Variants in PDCD6 observed in about 807,000 individuals in gnomAD.
The protein encoded by PDCD6 is programmed cell death protein 6.
PDCD6 carries 12 observed loss-of-function variants against 28.3 expected under a neutral mutation model. The ratio of observed to expected loss-of-function variants is 0.42; its 90% CI spans 0.27 to 0.69. The LOEUF (loss-of-function observed/expected upper bound fraction) is 0.69, where lower values mean the gene tolerates loss of function less well. Among genes scored for constraint, PDCD6 ranks in the 30% least tolerant of loss-of-function variants. PDCD6 has a pLI of 0.22. For synonymous variants in PDCD6, 92 were observed against 108.0 expected, an observed-to-expected ratio of 0.85 and a Z score of 0.92; for missense variants, 226 against 269.9, an observed-to-expected ratio of 0.84 and a Z score of 1.14.
chr5:288,979 G>A, intron 2 of PDCD6: 1 of 1,332,936 alleles, frequency 7.5e-7, no homozygotes. Context: ...CTACTTTCAG[G>A]GCCTTCGTTT....
intron 2 of PDCD6, among the ~76,000 whole-genome samples, chr5:285,488 A>G (rs1738892094): frequency 6.6e-6 from 1 of 150,634 alleles, no homozygotes; most frequent in African/African-American, 2.5e-5. Context: ...CTCATATTCC[A>G]GTTTGCAGGC....
chr5:280,601 T>G (rs1191130877), intron 2 of PDCD6, among the ~76,000 whole-genome samples: 25 of 73,980 alleles, frequency 3.4e-4, no homozygotes, highest in Admixed American at 6.8e-4. Context: ...GGCACCAGAG[T>G]GGAGACCACA....
chr5:301,215 CAG>C (rs762532806), intron 2 of PDCD6, among the ~76,000 whole-genome samples: 1 of 152,182 alleles, frequency 6.6e-6, no homozygotes, highest in Non-Finnish European at 1.5e-5. Context: ...GGCATGAAGA[CAG>C]AGGATTGATT....
At chr5:292,161 G>A (rs1373986055) in intron 2 of PDCD6, among the ~76,000 whole-genome samples, 3 of 152,148 alleles carry the variant, frequency 2.0e-5, no homozygotes, top group Admixed American at 2.0e-4. Flanking sequence ...GTTTTCATTA[G>A]CCATTCCTCC....
At chr5:280,909 A>G (rs1354346402) in intron 2 of PDCD6, among the ~76,000 whole-genome samples, 2 of 152,260 alleles carry the variant, frequency 1.3e-5, no homozygotes, top group African/African-American at 2.4e-5. Flanking sequence ...TTTATGCTCA[A>G]GTGATGGGAA....
chr5:293,172 CT>C (rs540503894), intron 2 of PDCD6, among the ~76,000 whole-genome samples: 2 of 152,362 alleles, frequency 1.3e-5, no homozygotes, highest in East Asian at 1.9e-4. Context: ...ACAGGACCCC[CT>C]GATGGACCAG....
chr5:290,941 AAGT>A (rs372403365), intron 2 of PDCD6, among the ~76,000 whole-genome samples: 4,001 of 152,324 alleles, frequency 0.026, 82 homozygotes, highest in Non-Finnish European at 0.039. Flanking sequence ...ACTGCCTTCT[AAGT>A]ATTGAATAGA....
chr5:292,986 C>T (rs1739401253), intron 2 of PDCD6, among the ~76,000 whole-genome samples: 1 of 152,216 alleles, frequency 6.6e-6, no homozygotes, highest in African/African-American at 2.4e-5. Context: ...CCAAGACCTG[C>T]TCTGCCTGGG....
intron 2 of PDCD6, chr5:276,301 T>C (rs1355194581): frequency 5.4e-6 from 6 of 1,117,632 alleles, no homozygotes; most frequent in South Asian, 2.0e-5. Context: ...TTCTCTGATA[T>C]GCACCTTTTT....
intron 2 of PDCD6, among the ~76,000 whole-genome samples, chr5:291,931 C>G (rs1579509689): frequency 6.6e-6 from 1 of 152,216 alleles, no homozygotes; most frequent in African/African-American, 2.4e-5. Context: ...AATTTCATCC[C>G]AGGTAAGAAA....
intron 2 of PDCD6, among the ~76,000 whole-genome samples, chr5:298,753 C>A (rs1233157230): frequency 3.3e-4 from 13 of 39,804 alleles, no homozygotes; most frequent in Non-Finnish European, 6.2e-4. Context: ...AGCTGCTCAC[C>A]CCCAACTGCT....
At chr5:302,068 C>CTGTGTGTGTG (rs1491538086) in intron 2 of PDCD6, among the ~76,000 whole-genome samples, 5 of 63,374 alleles carry the variant, frequency 7.9e-5, no homozygotes, top group Admixed American at 3.1e-4. Context: ...TTGAGTGCTG[C>CTGTGTGTGTG]TCTGTGTGTG....
Position 307,398 on chromosome 5 carries a change from C to T in PDCD6, c.367+638C>T, listed in dbSNP as rs72499999. Among the ~76,000 whole-genome samples the T allele has an allele frequency of 9.1e-3, 1,384 of 151,372 alleles. 57 individuals carry two copies. In the East Asian group the frequency reaches 0.15, roughly 16 times the overall value. ...CGTGCGCCTCAGAAGGGGCGTTAGG[C>T]AGAACGCGTGCCCATTCTCAGGTGC... On this transcript the variant is annotated intron_variant, in intron 4 of 5. Transcript: ENST00000264933. This position sits in a 1 kb window ranked among gnomAD's most constrained non-coding sequence, Gnocchi z 6.1.
intron 2 of PDCD6, chr5:290,334 T>A (rs1739240288): frequency 1.7e-6 from 2 of 1,207,654 alleles, no homozygotes; most frequent in Admixed American, 1.7e-5. Flanking sequence ...CTTCCTGGAG[T>A]CCCTCACAGC....
At chr5:306,567 A>G in intron 3 of PDCD6, 35 bp from the exon 4 acceptor site, 1 of 1,607,602 alleles carries the variant, frequency 6.2e-7, no homozygotes, top group African/African-American at 1.3e-5. Flanking sequence ...GCTGCAACTG[A>G]TCTTTTGCTG....
intron 2 of PDCD6, among the ~76,000 whole-genome samples, chr5:296,999 A>C (rs978802018): frequency 1.3e-5 from 2 of 152,208 alleles, no homozygotes; most frequent in African/African-American, 4.8e-5. Context: ...TGGTCTGGGC[A>C]TCTCACCTGC....
At chr5:279,858 C>G (rs1462368836) in intron 2 of PDCD6, among the ~76,000 whole-genome samples, 88 of 148,102 alleles carry the variant, frequency 5.9e-4, no homozygotes, top group African/African-American at 2.1e-3. Flanking sequence ...ACTGCGATGA[C>G]TTGTGCGCCA....
chr5:276,251 C>G (rs543131020), intron 2 of PDCD6: 10 of 1,141,684 alleles, frequency 8.8e-6, no homozygotes, highest in Non-Finnish European at 8.7e-6. Context: ...AAAGTGGATG[C>G]GCGCTGCTCC....
chr5:298,659 C>T (rs1739772960), intron 2 of PDCD6, among the ~76,000 whole-genome samples: 1 of 128,570 alleles, frequency 7.8e-6, no homozygotes, highest in Non-Finnish European at 1.6e-5. Context: ...TGCTCCCACT[C>T]AGCTGCTCCC....
Sources: gnomAD v4.1 joint callset for allele counts (sites outside exome capture counted in the v4.1 genomes callset) on GRCh38, gnomAD v4.1.1 for gene constraint, Gnocchi (gnomAD v3.1) non-coding constraint, MANE v1.5 for transcripts, NCBI Gene and HGNC (gene_info 2026-07-23, HGNC 2026-07-21) for gene names.